USP36: variants seen among roughly 807,000 people sequenced by gnomAD.
USP36 encodes the protein ubiquitin specific peptidase 36, also known as ubiquitin carboxyl-terminal hydrolase 36.
A neutral mutation model predicts 111.5 loss-of-function variants in USP36; 59 were observed. The ratio of observed to expected loss-of-function variants is 0.53; its 90% CI spans 0.43 to 0.66. The LOEUF is 0.66. USP36 is among the 30% of genes least tolerant of loss of function. The pLI, the probability that USP36 is intolerant of heterozygous loss-of-function variation, is 0.00. For synonymous variants in USP36, 628 were observed against 581.0 expected (o/e 1.08, Z -1.16); for missense variants, 1,488 against 1,468.0 (o/e 1.01, Z -0.22).
Position 78,821,997 on chromosome 17 carries a change from G to C in USP36, c.697C>G (p.Arg233Gly), listed in dbSNP as rs1302260052. ...ACCAAGGTAGTAGCCTGCGTTTGAC[G>C]ATCCAACCTGAAAAGGAGACCCCAG... The part of the protein sequence containing the change: ...ACLNGCAKLD[R>G]QTQATTLVHQ... Residue 233 changes from arginine (R) to glycine (G), a missense_variant, in exon 7 of 21, where the codon CGT becomes GGT. Around this residue, in one of 3 missense-constraint regions of USP36, gnomAD observed 196 missense variants for 264.4 expected, o/e 0.74. Coordinates refer to ENST00000449938, the MANE Select transcript of USP36 (RefSeq NM_001385174.1). The C allele has an allele frequency of 6.2e-7, 1 of 1,614,000 alleles. No homozygotes were observed. The highest frequency in any genetic ancestry group is 8.5e-7 in the Non-Finnish European group (1 of 1,180,008).
At chr17:78,793,788 G>A (rs756312839), downstream of USP36, among the ~76,000 whole-genome samples, 2 of 152,114 alleles carry the variant, frequency 1.3e-5, no homozygotes, top group Non-Finnish European at 2.9e-5. Context: ...GTATGTTAGG[G>A]ATAAACAGAT....
At chr17:78,834,321 A>G (rs553971379) in intron 4 of USP36, among the ~76,000 whole-genome samples, 1 of 151,002 alleles carries the variant, frequency 6.6e-6, no homozygotes, top group African/African-American at 2.4e-5. Flanking sequence ...CAATGCTTTA[A>G]TTTCTTTAAT....
In USP36 at chr17:78,807,538, G is replaced by A. The variant is rs201659148; in HGVS notation, c.1506C>T (p.Asn502=). Residue 502 remains asparagine, a synonymous_variant, in exon 14 of 21, where the codon AAC becomes AAT. Transcript: ENST00000449938. ...NGSTLGLKSQ[N]GCIPPKLPSG... ...AGGGCAGCTTTGGAGGAATGCAGCC[G>A]TTCTGGGACTTCAGGCCCAGGGTGG... 550 of 1,613,380 alleles carry A rather than the reference G, an allele frequency of 3.4e-4. No individual in the cohort carries two copies. Among genetic ancestry groups the A allele is most frequent in the South Asian group, 7.1e-4 (65 of 90,932 alleles).
chr17:78,814,992 T>A (rs1224002176), intron 10 of USP36, among the ~76,000 whole-genome samples: 1 of 151,538 alleles, frequency 6.6e-6, no homozygotes. Flanking sequence ...TTGGGGCGAA[T>A]GGGTGTGCAG....
chr17:78,840,778 G>A lies in USP36; in HGVS notation c.-216C>T, dbSNP rs1230149093. ...CGCGCCACAAGCCTACGCAGCCCTGGCGACTCCTTCGGCCCGCGGCCCAGC... is the reference window on the plus strand; with the variant it reads ...CGCGCCACAAGCCTACGCAGCCCTGACGACTCCTTCGGCCCGCGGCCCAGC... On this transcript the variant is annotated 5_prime_UTR_variant, in exon 1 of 21. Transcript: ENST00000449938. 1.3e-5 allele frequency: 2 copies of A among 152,312 alleles called. No individual in the cohort carries two copies. Among genetic ancestry groups the A allele is most frequent in the African/African-American group, 2.4e-5 (1 of 41,400 alleles). 9.4% of individuals were successfully genotyped at this position (152,312 alleles called of 1,614,324 possible). A position where few individuals can be genotyped will look rare whatever the true frequency, so the allele number is the denominator to read the frequency against.
chr17:78,832,662 C>T (rs1205747196), intron 4 of USP36, among the ~76,000 whole-genome samples: 3 of 152,174 alleles, frequency 2.0e-5, no homozygotes, highest in Non-Finnish European at 4.4e-5. Context: ...AAAGATCCTG[C>T]AGAGAAACCA....
At chr17:78,806,709 C>T (rs574407886) in intron 14 of USP36, among the ~76,000 whole-genome samples, 1 of 152,340 alleles carries the variant, frequency 6.6e-6, no homozygotes, top group South Asian at 2.1e-4. Flanking sequence ...GAACTGCTAC[C>T]TTGCCCAAAC....
chr17:78,824,999 G>A (rs571384253), intron 6 of USP36, among the ~76,000 whole-genome samples: 2 of 152,286 alleles, frequency 1.3e-5, no homozygotes, highest in Non-Finnish European at 2.9e-5. Context: ...ACAACCACCT[G>A]TATAGAGCAA....
Position 78,803,554 on chromosome 17 carries a change from G to A in USP36, c.2641C>T (p.Gln881Ter). The A allele has an allele frequency of 6.2e-7, 1 of 1,613,554 alleles. No homozygotes were observed. Among genetic ancestry groups the A allele is most frequent in the South Asian group, 1.1e-5 (1 of 91,076 alleles). Residue 881 changes from glutamine to a stop codon, truncating the protein, a stop_gained, in exon 16 of 21, where the codon CAG becomes TAG. Coordinates refer to ENST00000449938, the MANE Select transcript of USP36 (RefSeq NM_001385174.1). LOFTEE classifies it high-confidence loss of function. This position sits in a 1 kb window ranked among gnomAD's most constrained non-coding sequence, Gnocchi z 4.6. ...TCCTGCCGTCTGACAGCGGGCAGCT[G>A]TGCCTGGCCCTCCCTCCTGTACATG... ...SPMYRREGQA[Q>*]LPAVRRQEDG...
Position 78,807,258 on chromosome 17 carries a change from G to T in USP36, c.1786C>A (p.Leu596Met). 1.2e-6 allele frequency: 2 copies of T among 1,614,162 alleles called. No individual in the cohort carries two copies. The highest frequency in any genetic ancestry group is 1.7e-6 in the Non-Finnish European group (2 of 1,180,018). ...CCAGCGCTCTCGTCGTTCCCCTTCA[G>T]CCCATGCCCGTTGGCAGTGGCTGTA... ...LATATANGHGLKGNDESAGLD... is the reference protein window; with the variant it reads ...LATATANGHGMKGNDESAGLD... The change falls in exon 14 of 21, where the codon CTG becomes ATG. Residue 596 changes from leucine to methionine, a missense_variant. Physicochemically the swap from Leu to Met is conservative, Grantham distance 15. Around this residue, in one of 3 missense-constraint regions of USP36, gnomAD observed 1,073 missense variants for 994.1 expected, o/e 1.08. Transcript: ENST00000449938.
At chr17:78,830,384 C>A (rs2067976076) in intron 4 of USP36, among the ~76,000 whole-genome samples, 1 of 152,204 alleles carries the variant, frequency 6.6e-6, no homozygotes, top group African/African-American at 2.4e-5. Flanking sequence ...AATGAAGAGA[C>A]CACTGTTATT....
In USP36 at chr17:78,818,660, C is replaced by A. The variant is rs769536607; in HGVS notation, c.1023+7G>T. 1.2e-6 allele frequency: 2 copies of A among 1,612,966 alleles called. No individual in the cohort carries two copies. The highest frequency in any genetic ancestry group is 2.7e-5 in the African/African-American group (2 of 74,900). ...GAGCTGCCTGGGATGGTGTCACGAG[C>A]GCTCACCTTGGTGATCTTCCCCCCG... On this transcript the variant is annotated splice_region_variant and intron_variant, in intron 10 of 20. Transcript: ENST00000449938.
At chr17:78,815,307 C>T (rs986866426) in intron 10 of USP36, among the ~76,000 whole-genome samples, 1 of 151,986 alleles carries the variant, frequency 6.6e-6, no homozygotes, top group African/African-American at 2.4e-5. Flanking sequence ...ACTCCAGCCT[C>T]GCAACAGAGC....
intron 2 of USP36, 63 bp from the exon 3 acceptor site, chr17:78,836,435 T>C: frequency 6.4e-7 from 1 of 1,566,962 alleles, no homozygotes; most frequent in Non-Finnish European, 8.6e-7. Context: ...AAACATCTCT[T>C]AAGATCTCCT....
intron 6 of USP36, among the ~76,000 whole-genome samples, chr17:78,822,856 C>T (rs1015450044): frequency 1.3e-5 from 2 of 152,212 alleles, no homozygotes; most frequent in African/African-American, 4.8e-5. Context: ...GCTGGGTCTG[C>T]AGGCCCTTTA....
chr17:78,817,874 A>G (rs1434837829), intron 10 of USP36, among the ~76,000 whole-genome samples: 3 of 152,182 alleles, frequency 2.0e-5, no homozygotes, highest in African/African-American at 7.2e-5. Flanking sequence ...TGAGCCCAGG[A>G]GTTTGAGACC....
chr17:78,802,570 G>A (rs1350559026), intron 16 of USP36, 35 bp from the exon 17 acceptor site: 1 of 1,577,440 alleles, frequency 6.3e-7, no homozygotes, highest in Non-Finnish European at 8.6e-7. Flanking sequence ...TCAGCTCTGA[G>A]CAAATTGGAA....
At chr17:78,816,752 G>C (rs79510368) in intron 10 of USP36, among the ~76,000 whole-genome samples, 1 of 152,248 alleles carries the variant, frequency 6.6e-6, no homozygotes, top group African/African-American at 2.4e-5. Context: ...GCTGACATTA[G>C]AGTTGTGAGC....
At chr17:78,818,833 ATGT>A in intron 9 of USP36, 55 bp from the exon 10 acceptor site, 2 of 1,590,564 alleles carry the variant, frequency 1.3e-6, no homozygotes, top group Non-Finnish European at 1.7e-6. Context: ...GCTCTGAAAA[ATGT>A]TGTCTTAACG....
Sources: allele counts gnomAD v4.1 joint callset (sites outside exome capture counted in the v4.1 genomes callset), GRCh38; gene constraint gnomAD v4.1.1; regional missense constraint gnomAD v4.1.1; non-coding constraint Gnocchi (gnomAD v3.1); transcripts MANE v1.5; gene names NCBI Gene and HGNC (gene_info 2026-07-23, HGNC 2026-07-21).